Variants in ARID1B observed in about 807,000 individuals in gnomAD.
ARID1B encodes AT-rich interaction domain 1B.
In ARID1B, 30 loss-of-function variants were observed where a neutral mutation model predicts 212.3. The observed-to-expected ratio is 0.14, with a 90% confidence interval of 0.11 to 0.19. ARID1B has a LOEUF of 0.19. ARID1B is among the 10% of genes least tolerant of loss of function. The probability of loss-of-function intolerance (pLI) is 1.00; values close to 1 mark genes in which losing one functional copy is unlikely to be tolerated. For missense variants in ARID1B, 2,891 were observed against 3,204.0 expected (o/e 0.90, Z 2.36); for synonymous variants, 1,402 against 1,301.7 (o/e 1.08, Z -1.66).
At chr6:157,059,719 G>T (rs1783218842) in intron 4 of ARID1B, among the ~76,000 whole-genome samples, 3 of 152,256 alleles carry the variant, frequency 2.0e-5, no homozygotes, top group South Asian at 4.2e-4. Flanking sequence ...GAGACCTGGT[G>T]GGCTCTAAAG....
At chr6:157,031,495 A>G (rs1205406608) in intron 4 of ARID1B, among the ~76,000 whole-genome samples, 1 of 152,204 alleles carries the variant, frequency 6.6e-6, no homozygotes, top group African/African-American at 2.4e-5. Flanking sequence ...GTTGATTGTT[A>G]CTAGCCTCCT....
intron 13 of ARID1B, chr6:157,184,730 T>A (rs1792847258): frequency 2.2e-6 from 1 of 447,256 alleles, no homozygotes; most frequent in Non-Finnish European, 4.1e-6. Context: ...TTATTGCTTA[T>A]ACAAGTATTC....
chr6:157,164,387 C>T (rs1007994740), intron 8 of ARID1B, among the ~76,000 whole-genome samples: 1 of 152,124 alleles, frequency 6.6e-6, no homozygotes, highest in African/African-American at 2.4e-5. Context: ...GGGGAGAAAT[C>T]CTAGATGAGG....
intron 4 of ARID1B, among the ~76,000 whole-genome samples, chr6:156,991,056 TG>T (rs1299634416): frequency 1.3e-5 from 2 of 152,218 alleles, no homozygotes; most frequent in African/African-American, 4.8e-5. Flanking sequence ...TTATTAGTCT[TG>T]TTAGTTCTAC....
intron 2 of ARID1B, among the ~76,000 whole-genome samples, chr6:156,844,094 A>G (rs1308045684): frequency 6.6e-6 from 1 of 152,124 alleles, no homozygotes; most frequent in Non-Finnish European, 1.5e-5. Flanking sequence ...AATTTTTCAC[A>G]TTTTCAGTTT....
Position 156,778,896 on chromosome 6 carries a change from GGA to G in ARID1B, c.1218_1219del (p.Gly407ArgfsTer210). 7.3e-7 allele frequency: 1 copy of G among 1,366,440 alleles called. No homozygotes were observed. Among genetic ancestry groups the G allele is most frequent in the Middle Eastern group, 2.3e-4 (1 of 4,428 alleles). The allele number at this position is 1,366,440 out of a possible 1,614,324, so 84.6% of individuals were successfully genotyped here. The part of the protein sequence containing the change: ...GGGGGGGSGG[G>X]GGGGGAGAGG... The stretch of plus-strand genomic sequence containing the variant: ...CGGAGGAGGAGGAGGCAGCGGAGGA[GGA>G]GGAGGAGGAGGAGGAGCAGGAGCAG... On this transcript the variant is annotated frameshift_variant, in exon 1 of 20. Coordinates refer to ENST00000636930, the MANE Select transcript of ARID1B (RefSeq NM_001374828.1). LOFTEE classifies it high-confidence loss of function.
chr6:156,797,587 TG>T (rs1002406079), intron 1 of ARID1B, among the ~76,000 whole-genome samples: 1 of 152,154 alleles, frequency 6.6e-6, no homozygotes, highest in African/African-American at 2.4e-5. Context: ...CCTGACTCTA[TG>T]GGAAGGAATC....
chr6:157,181,872 G>A (rs985791108), intron 12 of ARID1B, among the ~76,000 whole-genome samples: 6 of 152,276 alleles, frequency 3.9e-5, no homozygotes, highest in South Asian at 2.1e-4. Context: ...CAGGGAAAAG[G>A]TACTCACTGT....
At chr6:156,911,908 C>T (rs1789921474) in intron 3 of ARID1B, among the ~76,000 whole-genome samples, 1 of 152,062 alleles carries the variant, frequency 6.6e-6, no homozygotes, top group Admixed American at 6.6e-5. Flanking sequence ...TATAGAAGAC[C>T]ACTTTAAATA....
chr6:157,125,634 G>A (rs1299081857), intron 6 of ARID1B, among the ~76,000 whole-genome samples: 1 of 152,182 alleles, frequency 6.6e-6, no homozygotes, highest in Non-Finnish European at 1.5e-5. Context: ...CACCATCCCA[G>A]TCTAAATTGG....
At chr6:156,861,107 G>T (rs1785302152) in intron 2 of ARID1B, among the ~76,000 whole-genome samples, 1 of 152,224 alleles carries the variant, frequency 6.6e-6, no homozygotes, top group African/African-American at 2.4e-5. Context: ...AAGGTAGACA[G>T]AGGAGCCTTT....
intron 5 of ARID1B, among the ~76,000 whole-genome samples, chr6:157,095,104 C>T (rs1464774942): frequency 1.3e-5 from 2 of 152,088 alleles, no homozygotes; most frequent in East Asian, 3.9e-4. Context: ...CCTGGGCACC[C>T]AGCCTGCCTC....
At chr6:157,106,655 A>G (rs1020364707) in intron 5 of ARID1B, among the ~76,000 whole-genome samples, 2 of 152,218 alleles carry the variant, frequency 1.3e-5, no homozygotes, top group Admixed American at 6.5e-5. Flanking sequence ...GCCATCTGAC[A>G]TAGTTGCAGG....
Position 157,071,710 on chromosome 6 carries a change from A to T in ARID1B, c.2248-12952A>T, listed in dbSNP as rs1784015953. The T allele has an allele frequency of 3.3e-5, 5 of 152,216 alleles. No homozygotes were observed. In the South Asian group the frequency reaches 1.0e-3, roughly 32 times the overall value. 9.4% of individuals were successfully genotyped at this position (152,216 alleles called of 1,614,324 possible). A position where few individuals can be genotyped will look rare whatever the true frequency, so the allele number is the denominator to read the frequency against. On this transcript the variant is annotated intron_variant, in intron 4 of 19. Transcript: ENST00000636930. Reference sequence around the variant, plus strand: ...TAACAATTTATTTTAAAGTCTGTGTAAATTATTGATAGGCATGTGACTTCT... The same window carrying T: ...TAACAATTTATTTTAAAGTCTGTGTTAATTATTGATAGGCATGTGACTTCT...
chr6:157,051,290 C>A (rs946394798), intron 4 of ARID1B, among the ~76,000 whole-genome samples: 3 of 152,080 alleles, frequency 2.0e-5, no homozygotes, highest in African/African-American at 7.2e-5. Flanking sequence ...TTTTTTATGG[C>A]TTGTGGAAAA....
intron 2 of ARID1B, among the ~76,000 whole-genome samples, chr6:156,850,108 T>G (rs1348360772): frequency 6.6e-6 from 1 of 150,708 alleles, no homozygotes; most frequent in Non-Finnish European, 1.5e-5. Context: ...TGCACGTATT[T>G]AAGGTGATGT....
intron 2 of ARID1B, among the ~76,000 whole-genome samples, chr6:156,852,096 T>C (rs1437905945): frequency 1.3e-5 from 2 of 152,052 alleles, no homozygotes; most frequent in African/African-American, 4.8e-5. Context: ...TTTGTTCAAT[T>C]GTAATAGCCT....
chr6:156,829,367 C>A lies in ARID1B; in HGVS notation c.1932C>A (p.Gly644=). The change falls in exon 2 of 20, where the codon GGC becomes GGA. Residue 644 remains glycine, a synonymous_variant. Transcript: ENST00000636930. ...CAGGCCCACAGCGGTATCCAATTGG[C>A]ATCCAGGGTCGGACTCCCGGGGCCA... ...GPPGPQRYPI[G]IQGRTPGAMA... The A allele has an allele frequency of 6.2e-7, 1 of 1,614,174 alleles. No individual in the cohort carries two copies. Among genetic ancestry groups the A allele is most frequent in the African/African-American group, 1.3e-5 (1 of 75,034 alleles).
intron 1 of ARID1B, among the ~76,000 whole-genome samples, chr6:156,782,370 T>G (rs1323364447): frequency 3.3e-5 from 5 of 152,198 alleles, no homozygotes; most frequent in African/African-American, 1.2e-4. Flanking sequence ...AAGGGTCTTT[T>G]TAAAAAGTGA....
Sources: gnomAD v4.1 joint callset for allele counts (sites outside exome capture counted in the v4.1 genomes callset) on GRCh38, gnomAD v4.1.1 for gene constraint, MANE v1.5 for transcripts, NCBI Gene and HGNC (gene_info 2026-07-23, HGNC 2026-07-21) for gene names.